TEK: variants seen among roughly 807,000 people sequenced by gnomAD.
TEK encodes TEK receptor tyrosine kinase, also known as angiopoietin-1 receptor.
In TEK, 43 loss-of-function variants were observed where a neutral mutation model predicts 131.8. The ratio of observed to expected loss-of-function variants is 0.33; its 90% CI spans 0.26 to 0.42. TEK has a LOEUF of 0.42. Ranked by LOEUF, TEK falls within the 10% of genes least tolerant of loss-of-function variation. The probability of loss-of-function intolerance (pLI) is 1.00; values close to 1 mark genes in which losing one functional copy is unlikely to be tolerated. For missense variants in TEK, 1,162 were observed against 1,384.4 expected (o/e 0.84, Z 2.55); for synonymous variants, 580 against 491.6 (o/e 1.18, Z -2.38).
At chr9:27,170,602 TCAAAAA>T (rs56132806) in intron 4 of TEK, among the ~76,000 whole-genome samples, 2 of 150,534 alleles carry the variant, frequency 1.3e-5, no homozygotes, top group African/African-American at 2.4e-5. Context: ...AGACCTTGTC[TCAAAAA>T]CAAAAACAAA....
At chr9:27,229,043 A>G in intron 22 of TEK, 115 bp from the exon 23 acceptor site, 1 of 855,330 alleles carries the variant, frequency 1.2e-6, no homozygotes, top group South Asian at 1.3e-5. Context: ...GTATCCCCCA[A>G]GTGCTTAGTA....
chr9:27,221,175 C>T (rs1465286093), intron 21 of TEK, among the ~76,000 whole-genome samples: 5 of 152,152 alleles, frequency 3.3e-5, no homozygotes, highest in Non-Finnish European at 7.4e-5. Context: ...CTGGGTGGAG[C>T]CCACCGCCGC....
At chr9:27,221,622 G>C (rs907657550) in intron 21 of TEK, among the ~76,000 whole-genome samples, 1 of 152,188 alleles carries the variant, frequency 6.6e-6, no homozygotes, top group African/African-American at 2.4e-5. Flanking sequence ...CAGGCAGACA[G>C]GGTCTGGAGT....
At chr9:27,128,163 A>G in intron 1 of TEK, among the ~76,000 whole-genome samples, 1 of 152,214 alleles carries the variant, frequency 6.6e-6, no homozygotes, top group African/African-American at 2.4e-5. Context: ...ATAAGGTGTA[A>G]GGAAGGGATC....
intron 1 of TEK, among the ~76,000 whole-genome samples, chr9:27,128,729 C>A (rs572720861): frequency 1.3e-5 from 2 of 152,064 alleles, no homozygotes; most frequent in Non-Finnish European, 2.9e-5. Context: ...ATTTTATTCT[C>A]TTTGTGGCAA....
intron 1 of TEK, among the ~76,000 whole-genome samples, chr9:27,138,796 T>G (rs1480268023): frequency 6.6e-6 from 1 of 152,100 alleles, no homozygotes; most frequent in Non-Finnish European, 1.5e-5. Context: ...GTTACTAGAG[T>G]GGAGTACAGG....
intron 16 of TEK, among the ~76,000 whole-genome samples, chr9:27,211,158 A>AT (rs1825602298): frequency 1.7e-5 from 2 of 117,070 alleles, no homozygotes; most frequent in Admixed American, 8.9e-5. Flanking sequence ...TATATGTATG[A>AT]ATATATGTAT....
At chr9:27,140,235 GCCCCAC>G (rs1822672278) in intron 1 of TEK, among the ~76,000 whole-genome samples, 6 of 151,844 alleles carry the variant, frequency 4.0e-5, no homozygotes, top group Non-Finnish European at 7.4e-5. Context: ...CACTTCATAT[GCCCCAC>G]ACTGAGCTTA....
chr9:27,222,230 C>T (rs564740642), intron 21 of TEK, among the ~76,000 whole-genome samples: 5 of 152,116 alleles, frequency 3.3e-5, no homozygotes, highest in African/African-American at 7.2e-5. Context: ...TACGAGACTA[C>T]GTGAAAAGAC....
chr9:27,139,920 G>C (rs1475807266), intron 1 of TEK, among the ~76,000 whole-genome samples: 1 of 152,162 alleles, frequency 6.6e-6, no homozygotes, highest in Non-Finnish European at 1.5e-5. Flanking sequence ...AATAACTGCT[G>C]CATGGGCCGC....
At chr9:27,138,056 A>C (rs1822560634) in intron 1 of TEK, among the ~76,000 whole-genome samples, 1 of 151,748 alleles carries the variant, frequency 6.6e-6, no homozygotes, top group African/African-American at 2.4e-5. Flanking sequence ...TGGCGCATCC[A>C]GAGTTGTTTG....
chr9:27,206,589 A>G lies in TEK; in HGVS notation c.2372A>G (p.Glu791Gly). The G allele has an allele frequency of 6.2e-7, 1 of 1,613,852 alleles. No homozygotes were observed. Among genetic ancestry groups the G allele is most frequent in the Non-Finnish European group, 8.5e-7 (1 of 1,179,908 alleles). Residue 791 changes from glutamate (E) to glycine (G), a missense_variant, in exon 15 of 23, where the codon GAA (glutamate) becomes GGA (glycine). Around this residue, in one of 6 missense-constraint regions of TEK, gnomAD observed 477 missense variants for 471.0 expected, o/e 1.01. Transcript: ENST00000380036. ...AAATAATTATTTTTCCAGAGGGAAG[A>G]ACCAGCTGTGCAGTTCAACTCAGGG... ...MAQAFQNVRE[E>G]PAVQFNSGTL...
chr9:27,142,776 C>A (rs1162511674), intron 1 of TEK, among the ~76,000 whole-genome samples: 1 of 152,204 alleles, frequency 6.6e-6, no homozygotes, highest in Non-Finnish European at 1.5e-5. Flanking sequence ...CATTTGAGAT[C>A]TCCTTTAGTC....
At chr9:27,204,172 A>G (rs991948642) in intron 13 of TEK, among the ~76,000 whole-genome samples, 3 of 152,258 alleles carry the variant, frequency 2.0e-5, no homozygotes, top group African/African-American at 2.4e-5. Context: ...ACATCTCTGT[A>G]TCTGTACATA....
At chr9:27,155,541 C>T (rs1823301131) in intron 1 of TEK, among the ~76,000 whole-genome samples, 1 of 152,154 alleles carries the variant, frequency 6.6e-6, no homozygotes, top group Admixed American at 6.5e-5. Context: ...AGATTATCCT[C>T]AAAACATCAC....
rs377361315 is a variant in TEK, at chr9:27,109,684, A to T, written c.52+42A>T. ...TTTTTTTTAATTTAGTATTTTAAAAAACAGAGTTAGTGATTTCTGGGTGCT... is the reference window on the plus strand; with the variant it reads ...TTTTTTTTAATTTAGTATTTTAAAATACAGAGTTAGTGATTTCTGGGTGCT... On this transcript the variant is annotated intron_variant, in intron 1 of 22. Coordinates refer to ENST00000380036, the MANE Select transcript of TEK (RefSeq NM_000459.5). 5.6e-6 allele frequency: 9 copies of T among 1,604,824 alleles called. No homozygotes were observed. The African/African-American group carries it at 1.1e-4, about 19-fold the overall frequency.
chr9:27,123,304 G>C (rs2131045601), intron 1 of TEK, among the ~76,000 whole-genome samples: 1 of 152,184 alleles, frequency 6.6e-6, no homozygotes, highest in East Asian at 1.9e-4. Flanking sequence ...GCTGCTGAAA[G>C]GGGTTAGGTC....
chr9:27,113,078 C>T (rs1821407437), intron 1 of TEK, among the ~76,000 whole-genome samples: 2 of 152,136 alleles, frequency 1.3e-5, no homozygotes, highest in Non-Finnish European at 2.9e-5. Flanking sequence ...GCACTGAAGA[C>T]CTGAGAAATT....
At chr9:27,200,250 T>A (rs1406112277) in intron 12 of TEK, among the ~76,000 whole-genome samples, 1 of 152,166 alleles carries the variant, frequency 6.6e-6, no homozygotes. Context: ...ACTATAAACT[T>A]GTGAAATGTC....
Sources: gnomAD v4.1 joint callset for allele counts (sites outside exome capture counted in the v4.1 genomes callset) on GRCh38, gnomAD v4.1.1 for gene constraint, gnomAD v4.1.1 regional missense constraint, MANE v1.5 for transcripts, NCBI Gene and HGNC (gene_info 2026-07-23, HGNC 2026-07-21) for gene names.